Variants in ADGRL2 observed in about 807,000 individuals in gnomAD.
ADGRL2 encodes the protein calcium-independent alpha-latrotoxin receptor 2.
ADGRL2 carries 44 observed loss-of-function variants against 157.4 expected under a neutral mutation model. That is an observed-to-expected ratio of 0.28 (90% CI 0.22 to 0.36). The LOEUF (loss-of-function observed/expected upper bound fraction) is 0.36. Among genes scored for constraint, ADGRL2 ranks in the 10% least tolerant of loss-of-function variants. The pLI is 1.00. For synonymous variants in ADGRL2, 585 were observed against 624.7 expected, an observed-to-expected ratio of 0.94 and a Z score of 0.95; for missense variants, 1,510 against 1,768.9, an observed-to-expected ratio of 0.85 and a Z score of 2.63.
intron 3 of ADGRL2, among the ~76,000 whole-genome samples, chr1:81,686,327 T>G (rs2083227858): frequency 6.6e-6 from 1 of 152,216 alleles, no homozygotes; most frequent in African/African-American, 2.4e-5. Flanking sequence ...GTTATTGGTC[T>G]GTTTGGGATA....
intron 3 of ADGRL2, among the ~76,000 whole-genome samples, chr1:81,641,316 A>C (rs1451752536): frequency 1.3e-5 from 2 of 152,164 alleles, no homozygotes; most frequent in African/African-American, 2.4e-5. Flanking sequence ...GCCATCAATC[A>C]ACTAAATATA....
intron 2 of ADGRL2, among the ~76,000 whole-genome samples, chr1:81,788,826 C>T (rs1168707571): frequency 1.3e-5 from 2 of 152,102 alleles, no homozygotes; most frequent in African/African-American, 2.4e-5. Context: ...AGTGATTCTC[C>T]TGCTTCAGCC....
chr1:81,429,941 T>C (rs970072325), intron 1 of ADGRL2, among the ~76,000 whole-genome samples: 6 of 152,180 alleles, frequency 3.9e-5, no homozygotes, highest in Admixed American at 3.9e-4. Context: ...TTGCCCAGGC[T>C]GGAGGGCAAT....
intron 3 of ADGRL2, among the ~76,000 whole-genome samples, chr1:81,603,340 T>C (rs2081371635): frequency 1.3e-5 from 2 of 152,212 alleles, no homozygotes; most frequent in African/African-American, 4.8e-5. Context: ...GAAGTGTATA[T>C]GTGTATGCAT....
At chr1:81,826,723 G>A (rs780781905) in intron 1 of ADGRL2, among the ~76,000 whole-genome samples, 3 of 152,048 alleles carry the variant, frequency 2.0e-5, no homozygotes, top group Non-Finnish European at 4.4e-5. Flanking sequence ...TATCCTTATC[G>A]CCAGAGACAT....
At chr1:81,608,109 T>C (rs918225552) in intron 3 of ADGRL2, among the ~76,000 whole-genome samples, 2 of 152,206 alleles carry the variant, frequency 1.3e-5, no homozygotes, top group Admixed American at 6.5e-5. Flanking sequence ...TCTCGTGGGT[T>C]CCTTTTTTCT....
intron 2 of ADGRL2, among the ~76,000 whole-genome samples, chr1:81,874,458 T>A (rs1444218870): frequency 4.6e-5 from 7 of 152,190 alleles, no homozygotes; most frequent in Admixed American, 4.6e-4. Context: ...TCTTTTCCTC[T>A]TAATGAAATT....
upstream of ADGRL2, among the ~76,000 whole-genome samples, chr1:81,799,767 A>AT (rs562534836): frequency 3.7e-4 from 56 of 152,080 alleles, 1 homozygote; most frequent in Middle Eastern, 3.4e-3. Flanking sequence ...TTGGAGAATC[A>AT]TTTTTTTCTT....
intron 2 of ADGRL2, among the ~76,000 whole-genome samples, chr1:81,517,517 T>TA (rs1385298048): frequency 6.7e-6 from 1 of 149,772 alleles, no homozygotes; most frequent in Non-Finnish European, 1.5e-5. Context: ...TCCTTCGGAT[T>TA]AATGTATCGT....
chr1:81,422,613 C>T (rs1452557279), intron 1 of ADGRL2, among the ~76,000 whole-genome samples: 1 of 152,184 alleles, frequency 6.6e-6, no homozygotes, highest in African/African-American at 2.4e-5. Flanking sequence ...AAACTATATG[C>T]ACAAAGTCAT....
chr1:81,424,396 G>A (rs940529297), intron 1 of ADGRL2, among the ~76,000 whole-genome samples: 2 of 152,192 alleles, frequency 1.3e-5, no homozygotes, highest in Admixed American at 6.5e-5. Context: ...AGACACAATG[G>A]TATGTGGTGT....
At chr1:81,711,572 GT>G (rs543441318) in intron 1 of ADGRL2, among the ~76,000 whole-genome samples, 170 of 152,168 alleles carry the variant, frequency 1.1e-3, no homozygotes, top group South Asian at 4.2e-3. Flanking sequence ...GTATTTTTTT[GT>G]TTGTTGTTTG....
chr1:81,513,398 T>C (rs2079114706), intron 2 of ADGRL2, among the ~76,000 whole-genome samples: 1 of 152,158 alleles, frequency 6.6e-6, no homozygotes, highest in Admixed American at 6.6e-5. Flanking sequence ...CCAAAATATA[T>C]GAAATGTAGA....
intron 2 of ADGRL2, 98 bp downstream of exon 2, chr1:81,837,155 TA>T (rs2150199803): frequency 1.8e-6 from 1 of 568,220 alleles, no homozygotes; most frequent in East Asian, 3.4e-5. Flanking sequence ...TTTATTATTT[TA>T]AAAATAGGTG....
intron 3 of ADGRL2, among the ~76,000 whole-genome samples, chr1:81,649,110 C>T (rs144303400): frequency 6.6e-6 from 1 of 152,220 alleles, no homozygotes; most frequent in East Asian, 1.9e-4. Flanking sequence ...TGGAACTCTC[C>T]CACATTTTCC....
chr1:81,531,173 G>C (rs2079589814), intron 2 of ADGRL2, among the ~76,000 whole-genome samples: 1 of 151,858 alleles, frequency 6.6e-6, no homozygotes, highest in Non-Finnish European at 1.5e-5. Context: ...AAAGAAGAAA[G>C]AAACTTTAAA....
At chr1:81,944,393 T>C (rs2148970145) in intron 6 of ADGRL2, among the ~76,000 whole-genome samples, 1 of 152,070 alleles carries the variant, frequency 6.6e-6, no homozygotes, top group East Asian at 1.9e-4. Context: ...ATGACAGATA[T>C]GCAAGCATTG....
At chr1:81,503,407 C>G (rs959430497) in intron 2 of ADGRL2, 244 of 1,613,718 alleles carry the variant, frequency 1.5e-4, no homozygotes, top group Non-Finnish European at 2.0e-4. Context: ...TCACTGTTCA[C>G]CAAGTCCTAC....
intron 1 of ADGRL2, among the ~76,000 whole-genome samples, chr1:81,730,300 C>T (rs1161850906): frequency 2.0e-5 from 3 of 152,100 alleles, no homozygotes; most frequent in Non-Finnish European, 4.4e-5. Flanking sequence ...TGCTCCCATT[C>T]CTATAGAGGT....
Sources: gnomAD v4.1 joint callset for allele counts (sites outside exome capture counted in the v4.1 genomes callset) on GRCh38, gnomAD v4.1.1 for gene constraint, MANE v1.5 for transcripts, NCBI Gene and HGNC (gene_info 2026-07-23, HGNC 2026-07-21) for gene names.